Variants in RBMS3 observed in about 807,000 individuals in gnomAD.
RBMS3 encodes the protein RNA binding motif single stranded interacting protein 3.
RBMS3 carries 27 observed loss-of-function variants against 66.8 expected under a neutral mutation model. That is an observed-to-expected ratio of 0.40 (90% confidence interval 0.30 to 0.56). The LOEUF (loss-of-function observed/expected upper bound fraction) is 0.56, where lower values mean the gene tolerates loss of function less well. RBMS3 is among the 20% of genes least tolerant of loss of function. The pLI, the probability that RBMS3 is intolerant of heterozygous loss-of-function variation, is 0.40. For missense variants in RBMS3, 513 were observed against 549.5 expected (o/e 0.93, Z 0.66); for synonymous variants, 188 against 183.0 (o/e 1.03, Z -0.22).
chr3:29,602,975 G>T (rs2048198510), intron 4 of RBMS3, among the ~76,000 whole-genome samples: 1 of 147,622 alleles, frequency 6.8e-6, no homozygotes, highest in Non-Finnish European at 1.5e-5. Context: ...CTTTTTATCT[G>T]TTCTCATAGA....
chr3:29,990,891 T>A (rs1698819017), intron 13 of RBMS3, among the ~76,000 whole-genome samples, 191 bp from the exon 14 acceptor site: 1 of 152,160 alleles, frequency 6.6e-6, no homozygotes, highest in Non-Finnish European at 1.5e-5. Flanking sequence ...CTTCTTGGTG[T>A]CACATTAGGA....
At chr3:29,412,008 A>G (rs553137161) in intron 1 of RBMS3, among the ~76,000 whole-genome samples, 7 of 152,392 alleles carry the variant, frequency 4.6e-5, no homozygotes, top group Non-Finnish European at 8.8e-5. Flanking sequence ...GAAGAAGTCA[A>G]TGTTGATAGT....
rs190736584 is a variant in RBMS3, at chr3:29,542,732, G to A, written c.308-44382G>A. Among the ~76,000 whole-genome samples, 161 of 152,218 alleles carry A rather than the reference G, an allele frequency of 1.1e-3. 1 individual carries two copies. The highest frequency in any genetic ancestry group is 1.9e-3 in the Non-Finnish European group (129 of 68,010). On this transcript the variant is annotated intron_variant, in intron 3 of 14. Transcript: ENST00000383767. ...TTAAATACTCAGTTCCCTCTAATAA[G>A]TCTTGAACTATTTCTAGGTTGACTG...
chr3:29,619,676 C>T (rs1012866155), intron 4 of RBMS3, among the ~76,000 whole-genome samples: 7 of 152,196 alleles, frequency 4.6e-5, no homozygotes, highest in Non-Finnish European at 8.8e-5. Context: ...AAATATGACT[C>T]ACTTGATTCA....
At chr3:29,594,870 T>G (rs1284630799) in intron 4 of RBMS3, among the ~76,000 whole-genome samples, 1 of 152,232 alleles carries the variant, frequency 6.6e-6, no homozygotes, top group African/African-American at 2.4e-5. Flanking sequence ...TTATATCGAA[T>G]GATTTCCATA....
chr3:29,791,004 G>A (rs1305717631), intron 6 of RBMS3, among the ~76,000 whole-genome samples: 1 of 152,128 alleles, frequency 6.6e-6, no homozygotes, highest in Non-Finnish European at 1.5e-5. Flanking sequence ...GTGGGAGATG[G>A]GCAAGGAAAT....
At position 29,348,561 on chromosome 3, in the gene RBMS3, TTCTC is replaced by T. The variant is rs1218492038; in HGVS notation, c.75+66809_75+66812del. Among the ~76,000 whole-genome samples, 4 of 139,098 alleles carry T rather than the reference TTCTC, an allele frequency of 2.9e-5. No individual in the cohort carries two copies. The East Asian group carries it at 6.3e-4, about 22-fold the overall frequency. The allele number at this position is 139,098 out of a possible 152,430, so 91.3% of individuals were successfully genotyped here. On this transcript the variant is annotated intron_variant, in intron 1 of 14. Coordinates refer to ENST00000383767, the MANE Select transcript of RBMS3 (RefSeq NM_001003793.3). ...GCCGTGAGAAATTTTCACTCTTGAC[TTCTC>T]TCTGTTAAAAAAAAAAAAAAAATCA...
intron 2 of RBMS3, among the ~76,000 whole-genome samples, chr3:29,464,196 T>A (rs980609968): frequency 6.6e-6 from 1 of 152,016 alleles, no homozygotes; most frequent in Non-Finnish European, 1.5e-5. Context: ...TATAAGAAGA[T>A]TAGAAAAACC....
At chr3:29,336,837 A>C (rs1318725234) in intron 1 of RBMS3, among the ~76,000 whole-genome samples, 1 of 152,146 alleles carries the variant, frequency 6.6e-6, no homozygotes, top group Non-Finnish European at 1.5e-5. Context: ...TTGGAAAGAC[A>C]AAAAAGACAA....
At chr3:29,299,784 G>A (rs1419389144) in intron 1 of RBMS3, among the ~76,000 whole-genome samples, 1 of 151,816 alleles carries the variant, frequency 6.6e-6, no homozygotes, top group South Asian at 2.1e-4. Flanking sequence ...GCAAATTTTA[G>A]TATGGGGGTG....
chr3:29,684,869 A>G (rs2149264907), intron 4 of RBMS3, among the ~76,000 whole-genome samples: 1 of 151,204 alleles, frequency 6.6e-6, no homozygotes, highest in Non-Finnish European at 1.5e-5. Flanking sequence ...AAAGGATAAC[A>G]TTTTTTCCCT....
At chr3:29,472,932 TA>T (rs2125802350) in intron 2 of RBMS3, among the ~76,000 whole-genome samples, 1 of 151,774 alleles carries the variant, frequency 6.6e-6, no homozygotes, top group East Asian at 1.9e-4. Context: ...TGCTGATTGG[TA>T]GAGCCGAGTG....
intron 1 of RBMS3, among the ~76,000 whole-genome samples, chr3:29,369,874 G>A (rs765238948): frequency 3.1e-4 from 47 of 152,082 alleles, no homozygotes; most frequent in Admixed American, 2.0e-4. Context: ...ACAGTGATAA[G>A]TTTTCTTAGT....
At chr3:29,427,705 G>T (rs994971944) in intron 1 of RBMS3, among the ~76,000 whole-genome samples, 15 of 152,290 alleles carry the variant, frequency 9.8e-5, no homozygotes, top group Non-Finnish European at 1.8e-4. Context: ...GATAAAAAGA[G>T]TACAAATTCT....
In RBMS3 at chr3:29,439,884, A is replaced by G. The variant is rs1367019404; in HGVS notation, c.248+4969A>G. Among the ~76,000 whole-genome samples the G allele has an allele frequency of 3.9e-5, 6 of 152,212 alleles. No homozygotes were observed. The East Asian group carries it at 1.2e-3, about 29-fold the overall frequency. ...TCCAACTGATTATACAGATTTACTCATGGATGGATGATCAGTTGAAGACTA... is the reference window on the plus strand; with the variant it reads ...TCCAACTGATTATACAGATTTACTCGTGGATGGATGATCAGTTGAAGACTA... On this transcript the variant is annotated intron_variant, in intron 2 of 14. Transcript: ENST00000383767.
In RBMS3 at chr3:29,546,248, C is replaced by T. The variant is rs1430716620; in HGVS notation, c.308-40866C>T. On this transcript the variant is annotated intron_variant, in intron 3 of 14. Transcript: ENST00000383767. ...ATGACAACCCTACAAGGTGCATTTG[C>T]TTATCATAAATTATCATTCATTTTA... 2.0e-5 allele frequency among the ~76,000 whole-genome samples: 3 copies of T among 151,778 alleles called. 1 individual carries two copies. Among genetic ancestry groups the T allele is most frequent in the Non-Finnish European group, 4.4e-5 (3 of 67,996 alleles).
chr3:29,725,592 C>G (rs1207541369), intron 4 of RBMS3, among the ~76,000 whole-genome samples: 1 of 151,784 alleles, frequency 6.6e-6, no homozygotes, highest in Non-Finnish European at 1.5e-5. Flanking sequence ...CTATAAACAC[C>G]TCTATGAAAA....
chr3:29,727,721 G>C (rs115793754), intron 4 of RBMS3, among the ~76,000 whole-genome samples: 1,558 of 152,286 alleles, frequency 0.01, 31 homozygotes, highest in African/African-American at 0.036. Context: ...ATGCTGACAT[G>C]GCTGTGGAAA....
chr3:29,808,135 T>C (rs756424619), intron 6 of RBMS3, among the ~76,000 whole-genome samples: 1 of 151,950 alleles, frequency 6.6e-6, no homozygotes, highest in Non-Finnish European at 1.5e-5. Flanking sequence ...GTTATCACCA[T>C]GCTTCAGGAT....
Sources: allele counts gnomAD v4.1 joint callset (sites outside exome capture counted in the v4.1 genomes callset), GRCh38; gene constraint gnomAD v4.1.1; transcripts MANE v1.5; gene names NCBI Gene and HGNC (gene_info 2026-07-23, HGNC 2026-07-21).